The following KCNQ1 variants were observed in gnomAD, a reference collection of about 807,000 sequenced individuals.
KCNQ1 encodes the protein potassium voltage-gated channel subfamily Q member 1, also known as potassium voltage-gated channel subfamily KQT member 1.
A neutral mutation model predicts 72.4 loss-of-function variants in KCNQ1; 49 were observed. The observed-to-expected ratio is 0.68, with a 90% CI of 0.54 to 0.86. KCNQ1 has a LOEUF of 0.86. Ranked by LOEUF, KCNQ1 falls within the 40% of genes least tolerant of loss-of-function variation. KCNQ1 has a pLI of 0.00. For synonymous variants in KCNQ1, 450 were observed against 412.6 expected, an observed-to-expected ratio of 1.09 and a Z score of -1.10; for missense variants, 790 against 945.1, an observed-to-expected ratio of 0.84 and a Z score of 2.15.
Position 2,612,290 on chromosome 11 carries a change from T to C in KCNQ1, c.1393+23436T>C. ...GAACTGAGCATGTGAGGGATCTAGGTTGTGCACTCCGTATGAGAATCTAAC... is the reference window on the plus strand; with the variant it reads ...GAACTGAGCATGTGAGGGATCTAGGCTGTGCACTCCGTATGAGAATCTAAC... On this transcript the variant is annotated intron_variant, in intron 10 of 15. Transcript: ENST00000155840. The surrounding 1 kb of genome is among the most constrained non-coding windows in gnomAD (Gnocchi z 5.5). The C allele has an allele frequency of 2.5e-6, 1 of 398,584 alleles. No homozygotes were observed. 24.7% of individuals were successfully genotyped at this position (398,584 alleles called of 1,614,324 possible).
intron 1 of KCNQ1, among the ~76,000 whole-genome samples, chr11:2,476,357 G>T (rs898088671): frequency 6.6e-6 from 1 of 152,120 alleles, no homozygotes; most frequent in African/African-American, 2.4e-5. Flanking sequence ...AAAAACATCA[G>T]CAATATTACT....
intron 13 of KCNQ1, among the ~76,000 whole-genome samples, chr11:2,776,767 G>A (rs772372111): frequency 7.2e-5 from 11 of 152,164 alleles, no homozygotes; most frequent in Admixed American, 5.2e-4. Flanking sequence ...GCAGCCCACC[G>A]ACTCCCCCTT....
intron 12 of KCNQ1, among the ~76,000 whole-genome samples, chr11:2,770,894 C>A (rs1217075009): frequency 2.6e-5 from 4 of 152,238 alleles, no homozygotes; most frequent in East Asian, 1.9e-4. Context: ...GCTGCGTGAA[C>A]CCCTTTGGGA....
intron 1 of KCNQ1, among the ~76,000 whole-genome samples, chr11:2,527,140 A>G (rs1446420467): frequency 2.0e-5 from 3 of 152,164 alleles, no homozygotes; most frequent in Non-Finnish European, 4.4e-5. Flanking sequence ...ACAGGCCCAG[A>G]ACGTTGGCCC....
At chr11:2,707,954 C>T (rs11023855) in intron 11 of KCNQ1, among the ~76,000 whole-genome samples, 13,065 of 152,230 alleles carry the variant, frequency 0.086, 635 homozygotes, top group South Asian at 0.12. Context: ...ATGTGCCACC[C>T]CCCAGAGTTC....
chr11:2,654,295 G>C lies in KCNQ1; in HGVS notation c.1394-7666G>C. On this transcript the variant is annotated intron_variant, in intron 10 of 15. Coordinates refer to ENST00000155840, the MANE Select transcript of KCNQ1 (RefSeq NM_000218.3). This position sits in a 1 kb window ranked among gnomAD's most constrained non-coding sequence, Gnocchi z 6.4. ...CAGGGCTTTGGTGAATCCACTGAGA[G>C]GGGGAGATTTCTTGAGGGGGCCAGG... The C allele has an allele frequency of 2.5e-6, 1 of 398,888 alleles. No homozygotes were observed. The highest frequency in any genetic ancestry group is 3.6e-5 in the East Asian group (1 of 28,078). The allele number at this position is 398,888 out of a possible 1,614,324, so 24.7% of individuals were successfully genotyped here. A position where few individuals can be genotyped will look rare whatever the true frequency, so the allele number is the denominator to read the frequency against.
Position 2,689,339 on chromosome 11 carries a change from C to G in KCNQ1, c.1514+27258C>G, listed in dbSNP as rs143321391. ...CTCAGGACTGCCCCTATCCGCAGAGCTTGAGGCCTTTAGGTCAGCCTTGGG... is the reference window on the plus strand; with the variant it reads ...CTCAGGACTGCCCCTATCCGCAGAGGTTGAGGCCTTTAGGTCAGCCTTGGG... On this transcript the variant is annotated intron_variant, in intron 11 of 15. Coordinates refer to ENST00000155840, the MANE Select transcript of KCNQ1 (RefSeq NM_000218.3). 27 of 398,686 alleles carry G rather than the reference C, an allele frequency of 6.8e-5. 2 individuals are homozygous for G. Among genetic ancestry groups the G allele is most frequent in the African/African-American group, 4.7e-4 (23 of 48,756 alleles). The allele number at this position is 398,686 out of a possible 1,614,324, so 24.7% of individuals were successfully genotyped here.
intron 10 of KCNQ1, among the ~76,000 whole-genome samples, chr11:2,594,066 C>T (rs1321415810): frequency 2.6e-5 from 4 of 152,208 alleles, no homozygotes; most frequent in Non-Finnish European, 5.9e-5. Context: ...CACAGACTTG[C>T]AGTTTTCTGT....
At position 2,674,226 on chromosome 11, in the gene KCNQ1, T is replaced by C. The variant is rs933142177; in HGVS notation, c.1514+12145T>C. 4 of 398,480 alleles carry C rather than the reference T, an allele frequency of 1.0e-5. No homozygotes were observed. The highest frequency in any genetic ancestry group is 6.2e-5 in the African/African-American group (3 of 48,566). 24.7% of individuals were successfully genotyped at this position (398,480 alleles called of 1,614,324 possible). A position where few individuals can be genotyped will look rare whatever the true frequency, so the allele number is the denominator to read the frequency against. ...TTGTGGGTTTTTCTTGGGGCCCAGATAGATGTGAGCAGAGCTGGAGGCCCC... is the reference window on the plus strand; with the variant it reads ...TTGTGGGTTTTTCTTGGGGCCCAGACAGATGTGAGCAGAGCTGGAGGCCCC... On this transcript the variant is annotated intron_variant, in intron 11 of 15. Transcript: ENST00000155840. The surrounding 1 kb of genome is among the most constrained non-coding windows in gnomAD (Gnocchi z 5.9).
chr11:2,505,644 A>T (rs1004123279), intron 1 of KCNQ1, among the ~76,000 whole-genome samples: 1 of 152,196 alleles, frequency 6.6e-6, no homozygotes, highest in Admixed American at 6.5e-5. Context: ...TTTGATCGTT[A>T]GCTGTTAGAG....
chr11:2,466,311 G>A (rs897799986), intron 1 of KCNQ1, among the ~76,000 whole-genome samples: 2 of 152,128 alleles, frequency 1.3e-5, no homozygotes, highest in African/African-American at 2.4e-5. Flanking sequence ...GGTGCTTGCT[G>A]GGGGGAGAAG....
At chr11:2,573,622 C>T (rs1346536723) in intron 6 of KCNQ1, among the ~76,000 whole-genome samples, 2 of 152,218 alleles carry the variant, frequency 1.3e-5, no homozygotes, top group Non-Finnish European at 2.9e-5. Flanking sequence ...GCCTGTGGGC[C>T]CAGAGGCTGC....
chr11:2,616,861 T>C (rs1044578033), intron 10 of KCNQ1: 3 of 398,276 alleles, frequency 7.5e-6, no homozygotes, highest in Non-Finnish European at 1.3e-5. Context: ...TGTAGTTGGG[T>C]GGAGTGTCCA....
At chr11:2,778,274 T>A (rs1846748951) in intron 15 of KCNQ1, among the ~76,000 whole-genome samples, 1 of 152,240 alleles carries the variant, frequency 6.6e-6, no homozygotes, top group South Asian at 2.1e-4. Context: ...CTCTGACAAG[T>A]GGCGTCTTTA....
At chr11:2,802,898 C>A (rs188788243) in intron 15 of KCNQ1, among the ~76,000 whole-genome samples, 185 of 152,342 alleles carry the variant, frequency 1.2e-3, no homozygotes, top group Middle Eastern at 3.4e-3. Flanking sequence ...CCCCAGCAGA[C>A]CCTACAGCGC....
intron 2 of KCNQ1, among the ~76,000 whole-genome samples, chr11:2,556,444 A>C (rs1406492943): frequency 6.6e-6 from 1 of 152,132 alleles, no homozygotes; most frequent in Non-Finnish European, 1.5e-5. Context: ...CTGGCTGCTG[A>C]TCTGTATAAA....
Position 2,446,087 on chromosome 11 carries a change from G to A in KCNQ1, c.386+603G>A, listed in dbSNP as rs1375721591. Among the ~76,000 whole-genome samples the A allele has an allele frequency of 6.6e-6, 1 of 152,228 alleles. No homozygotes were observed. The highest frequency in any genetic ancestry group is 1.5e-5 in the Non-Finnish European group (1 of 68,034). On this transcript the variant is annotated intron_variant, in intron 1 of 15. Transcript: ENST00000155840. The surrounding 1 kb of genome is among the most constrained non-coding windows in gnomAD (Gnocchi z 8.8). ...CTGGCTTGATGCAGAGAGCGGAGAG[G>A]CACGTTTGCAGCTCTCACTAAGAGG...
chr11:2,571,497 C>A, intron 4 of KCNQ1, 94 bp downstream of exon 4: 1 of 1,021,238 alleles, frequency 9.8e-7, no homozygotes, highest in Non-Finnish European at 1.5e-6. Flanking sequence ...CCACCTTGCT[C>A]AGATGCAAGG....
At chr11:2,632,730 A>G (rs1849381327) in intron 10 of KCNQ1, 1 of 398,268 alleles carries the variant, frequency 2.5e-6, no homozygotes, top group African/African-American at 2.1e-5. Context: ...AAGTTCATCC[A>G]TGTTGCTGTG....
Sources: allele counts gnomAD v4.1 joint callset (sites outside exome capture counted in the v4.1 genomes callset), GRCh38; gene constraint gnomAD v4.1.1; non-coding constraint Gnocchi (gnomAD v3.1); transcripts MANE v1.5; gene names NCBI Gene and HGNC (gene_info 2026-07-23, HGNC 2026-07-21).